LRRC1: variants seen among roughly 807,000 people sequenced by gnomAD.
The protein encoded by LRRC1 is leucine-rich repeat-containing protein 1.
In LRRC1, 28 loss-of-function variants were observed where a neutral mutation model predicts 69.9. The observed-to-expected ratio is 0.40, with a 90% CI of 0.30 to 0.55. The LOEUF (loss-of-function observed/expected upper bound fraction) is 0.55. LRRC1 is among the 20% of genes least tolerant of loss of function. LRRC1 has a pLI of 0.47. For synonymous variants in LRRC1, 236 were observed against 240.2 expected (o/e 0.98, Z 0.16); for missense variants, 498 against 609.0 (o/e 0.82, Z 1.92).
At chr6:53,802,385 C>T (rs1764511935) in intron 1 of LRRC1, among the ~76,000 whole-genome samples, 1 of 152,178 alleles carries the variant, frequency 6.6e-6, no homozygotes, top group African/African-American at 2.4e-5. Context: ...CTCTCCCTTC[C>T]CATCTGCTGC....
chr6:53,883,965 G>A (rs1354622795), intron 4 of LRRC1: 2 of 718,020 alleles, frequency 2.8e-6, no homozygotes, highest in South Asian at 3.0e-5. Context: ...AAGACAACTA[G>A]CTGACACCTG....
chr6:53,797,413 C>A (rs1764333156), intron 1 of LRRC1, among the ~76,000 whole-genome samples: 1 of 152,120 alleles, frequency 6.6e-6, no homozygotes, highest in African/African-American at 2.4e-5. Context: ...TGTGTACATG[C>A]CAGACATGAG....
At chr6:53,836,773 CAAA>C (rs1160393654) in intron 1 of LRRC1, among the ~76,000 whole-genome samples, 1 of 152,116 alleles carries the variant, frequency 6.6e-6, no homozygotes, top group Non-Finnish European at 1.5e-5. Flanking sequence ...ACCATGACTC[CAAA>C]AACTTGTATC....
chr6:53,810,486 C>G (rs867123384), intron 1 of LRRC1, among the ~76,000 whole-genome samples: 5 of 151,804 alleles, frequency 3.3e-5, no homozygotes, highest in Non-Finnish European at 7.4e-5. Context: ...CGGGCGTGGT[C>G]GTGGGCACCT....
chr6:53,914,189 T>C (rs1768498120), intron 11 of LRRC1, among the ~76,000 whole-genome samples: 1 of 152,138 alleles, frequency 6.6e-6, no homozygotes, highest in African/African-American at 2.4e-5. Flanking sequence ...TGGGTTAAAG[T>C]GTCAGTGGAC....
At chr6:53,795,603 A>G (rs974049693) in intron 1 of LRRC1, among the ~76,000 whole-genome samples, 188 bp downstream of exon 1, 5 of 151,794 alleles carry the variant, frequency 3.3e-5, no homozygotes, top group African/African-American at 1.2e-4. Context: ...GTTCCTTTTC[A>G]TTTTATTCAA....
intron 4 of LRRC1, among the ~76,000 whole-genome samples, chr6:53,893,936 A>G (rs1027521624): frequency 6.6e-6 from 1 of 152,194 alleles, no homozygotes; most frequent in South Asian, 2.1e-4. Context: ...ACTGTAGCCT[A>G]TGCCATTTGC....
At chr6:53,811,316 C>T (rs1764787309) in intron 1 of LRRC1, among the ~76,000 whole-genome samples, 1 of 152,140 alleles carries the variant, frequency 6.6e-6, no homozygotes, top group Admixed American at 6.5e-5. Flanking sequence ...TAGGCATGTT[C>T]ACATTTGTTT....
chr6:53,849,005 C>T (rs917629130), intron 2 of LRRC1, among the ~76,000 whole-genome samples: 1 of 151,730 alleles, frequency 6.6e-6, no homozygotes, highest in Non-Finnish European at 1.5e-5. Flanking sequence ...GATCCACCCA[C>T]CTCAGCCTCC....
rs185422340 is a variant in LRRC1, at chr6:53,877,260, A to G, written c.278-1733A>G. Among the ~76,000 whole-genome samples the G allele has an allele frequency of 5.9e-3, 901 of 152,278 alleles. 7 individuals carry two copies. Among genetic ancestry groups the G allele is most frequent in the African/African-American group, 0.021 (856 of 41,570 alleles). ...GCAGGGCACCAGGTCCCTAGACTGC[A>G]CACAACATGGGGACCCTGGACCGGG... On this transcript the variant is annotated intron_variant, in intron 2 of 13. Transcript: ENST00000370888.
chr6:53,858,264 A>ATT (rs145334901), intron 2 of LRRC1, among the ~76,000 whole-genome samples: 4 of 147,246 alleles, frequency 2.7e-5, no homozygotes, highest in African/African-American at 9.9e-5. Flanking sequence ...TCACTTTGGG[A>ATT]TTTTTTTTTT....
chr6:53,815,334 A>T (rs1266770723), intron 1 of LRRC1, among the ~76,000 whole-genome samples: 1 of 151,956 alleles, frequency 6.6e-6, no homozygotes, highest in African/African-American at 2.4e-5. Context: ...TCCGAGCCTC[A>T]TTTTTCTCAC....
chr6:53,887,232 A>G (rs373432148), intron 4 of LRRC1, among the ~76,000 whole-genome samples: 2 of 152,322 alleles, frequency 1.3e-5, no homozygotes, highest in East Asian at 3.9e-4. Flanking sequence ...TCCAAGAAAA[A>G]ATAATTATTG....
At chr6:53,894,748 T>G (rs1035799519) in intron 4 of LRRC1, among the ~76,000 whole-genome samples, 1 of 152,170 alleles carries the variant, frequency 6.6e-6, no homozygotes, top group African/African-American at 2.4e-5. Flanking sequence ...TACAGATTGC[T>G]TTTGGAAGGA....
intron 1 of LRRC1, among the ~76,000 whole-genome samples, chr6:53,807,763 C>T (rs1051238929): frequency 6.7e-6 from 1 of 150,054 alleles, no homozygotes; most frequent in Admixed American, 6.6e-5. Flanking sequence ...ACAACAACAA[C>T]AACAACAACA....
intron 2 of LRRC1, among the ~76,000 whole-genome samples, chr6:53,869,341 A>G (rs1221271256): frequency 6.6e-6 from 1 of 152,054 alleles, no homozygotes; most frequent in Non-Finnish European, 1.5e-5. Flanking sequence ...ACAGTTTTTA[A>G]TGGGGTATTG....
At chr6:53,896,433 GA>G (rs1349788521) in intron 4 of LRRC1, 64 bp from the exon 5 acceptor site, 44 of 1,339,038 alleles carry the variant, frequency 3.3e-5, no homozygotes, top group Non-Finnish European at 2.2e-5. Context: ...GTGTATGGGG[GA>G]AGGGAGGTAG....
intron 1 of LRRC1, among the ~76,000 whole-genome samples, chr6:53,837,043 C>T (rs1765631952): frequency 6.6e-6 from 1 of 152,118 alleles, no homozygotes; most frequent in Admixed American, 6.5e-5. Flanking sequence ...CATGTCATAA[C>T]TAACGGTAAG....
At chr6:53,921,853 T>A (rs965212015) in intron 13 of LRRC1, among the ~76,000 whole-genome samples, 1 of 152,214 alleles carries the variant, frequency 6.6e-6, no homozygotes, top group Non-Finnish European at 1.5e-5. Flanking sequence ...AATCACTCAC[T>A]GTGGATGACT....
Sources: gnomAD v4.1 joint callset for allele counts (sites outside exome capture counted in the v4.1 genomes callset) on GRCh38, gnomAD v4.1.1 for gene constraint, MANE v1.5 for transcripts, NCBI Gene and HGNC (gene_info 2026-07-23, HGNC 2026-07-21) for gene names.